Variants in SLC39A14 observed in about 807,000 individuals in gnomAD.
The protein encoded by SLC39A14 is metal cation symporter ZIP14.
In SLC39A14, 19 loss-of-function variants were observed where a neutral mutation model predicts 45.5. The observed-to-expected ratio is 0.42, with a 90% CI of 0.29 to 0.61. SLC39A14 has a LOEUF of 0.61. SLC39A14 is among the 20% of genes least tolerant of loss of function. The probability of loss-of-function intolerance (pLI) is 0.22; values close to 1 mark genes in which losing one functional copy is unlikely to be tolerated. For missense variants in SLC39A14, 447 were observed against 616.5 expected, an observed-to-expected ratio of 0.73 and a Z score of 2.91; for synonymous variants, 264 against 251.3, an observed-to-expected ratio of 1.05 and a Z score of -0.48.
chr8:22,375,687 G>T (rs1563479534), intron 1 of SLC39A14, among the ~76,000 whole-genome samples: 1 of 151,810 alleles, frequency 6.6e-6, no homozygotes, highest in Admixed American at 6.6e-5. Flanking sequence ...GTGGGGTTTC[G>T]CCATGTTGGC....
chr8:22,417,616 C>T (rs755912342), intron 7 of SLC39A14, 35 bp from the exon 8 acceptor site: 24 of 1,586,884 alleles, frequency 1.5e-5, no homozygotes, highest in Non-Finnish European at 1.9e-5. Flanking sequence ...ACTCTTCCTT[C>T]CTCGTCCCTC....
At chr8:22,410,149 C>G in intron 3 of SLC39A14, 1 of 1,612,066 alleles carries the variant, frequency 6.2e-7, no homozygotes, top group Non-Finnish European at 8.5e-7. Context: ...CGTCCTCTTT[C>G]CCTGGGGCGG....
chr8:22,382,372 G>A (rs913688289), intron 1 of SLC39A14, among the ~76,000 whole-genome samples: 2 of 152,140 alleles, frequency 1.3e-5, no homozygotes, highest in Non-Finnish European at 2.9e-5. Context: ...GTGGGAGTAT[G>A]GAACTAGTTA....
rs763628195 is a variant in SLC39A14 at position 22,414,762 on chromosome 8, C to T, written c.628-18C>T. ...CTTTATTTTCTTTAAAACTCATTTT[C>T]TTTTCCTGGGTCCACAGGCATTTGG... is the stretch of plus-strand genomic sequence containing the variant. On this transcript the variant is annotated intron_variant, in intron 4 of 8. Transcript: ENST00000381237. 20 of 1,583,166 alleles carry T rather than the reference C, an allele frequency of 1.3e-5. No homozygotes were observed. The highest frequency in any genetic ancestry group is 1.5e-5 in the Non-Finnish European group (18 of 1,172,356).
rs1836106606 is a variant in SLC39A14, at chr8:22,419,596, C to T, written c.1377C>T (p.Gly459=). 1 of 1,614,166 alleles carries T rather than the reference C, an allele frequency of 6.2e-7. No homozygotes were observed. The highest frequency in any genetic ancestry group is 8.5e-7 in the Non-Finnish European group (1 of 1,180,018). ...NEVCQEDERK[G]SILIPFIIQN... ...TCTGTCAAGAGGATGAAAGGAAGGG[C>T]AGCATCTTGATTCCATTTATCATCC... Residue 459 remains glycine (G), a synonymous_variant, in exon 9 of 9, where the codon GGC becomes GGT. Coordinates refer to ENST00000381237, the MANE Select transcript of SLC39A14 (RefSeq NM_001128431.4).
At chr8:22,374,366 C>T (rs1431344531) in intron 1 of SLC39A14, among the ~76,000 whole-genome samples, 1 of 152,014 alleles carries the variant, frequency 6.6e-6, no homozygotes, top group Non-Finnish European at 1.5e-5. Flanking sequence ...AAGTCAGATG[C>T]AGGATGGCCT....
At chr8:22,380,834 G>A (rs1369199653) in intron 1 of SLC39A14, among the ~76,000 whole-genome samples, 1 of 151,940 alleles carries the variant, frequency 6.6e-6, no homozygotes, top group Non-Finnish European at 1.5e-5. Flanking sequence ...GTACCACCAT[G>A]CCAAGCTAAT....
Position 22,421,972 on chromosome 8 carries a change from T to G in SLC39A14, c.*2274T>G, listed in dbSNP as rs897169164. The G allele has an allele frequency of 1.0e-6, 1 of 985,470 alleles. No individual in the cohort carries two copies. The highest frequency in any genetic ancestry group is 1.2e-6 in the Non-Finnish European group (1 of 829,938). 61.0% of individuals were successfully genotyped at this position (985,470 alleles called of 1,614,324 possible). ...TAGTTGGCGCAGAGGTCAGTCCTAGTCGGAGCTTAGGAGGGGCGGAGACGC... is the reference window on the plus strand; with the variant it reads ...TAGTTGGCGCAGAGGTCAGTCCTAGGCGGAGCTTAGGAGGGGCGGAGACGC... On this transcript the variant is annotated 3_prime_UTR_variant, in exon 9 of 9. Coordinates refer to ENST00000381237, the MANE Select transcript of SLC39A14 (RefSeq NM_001128431.4).
intron 1 of SLC39A14, among the ~76,000 whole-genome samples, chr8:22,397,455 G>A (rs1050256856): frequency 1.4e-4 from 22 of 152,286 alleles, no homozygotes; most frequent in African/African-American, 4.8e-4. Flanking sequence ...GTGGGCGCCT[G>A]TAGTCCCAGC....
chr8:22,368,081 G>A (rs1832733476), intron 1 of SLC39A14, among the ~76,000 whole-genome samples: 1 of 152,136 alleles, frequency 6.6e-6, no homozygotes, highest in South Asian at 2.1e-4. Context: ...TGGACTAGGG[G>A]TTCACTTTTG....
intron 1 of SLC39A14, among the ~76,000 whole-genome samples, chr8:22,368,618 C>G (rs1249878379): frequency 6.6e-6 from 1 of 152,076 alleles, no homozygotes; most frequent in Admixed American, 6.6e-5. Context: ...CTCACTGCAA[C>G]CTCCGCCTCC....
chr8:22,371,371 A>G (rs1235604746), intron 1 of SLC39A14, among the ~76,000 whole-genome samples: 2 of 151,978 alleles, frequency 1.3e-5, no homozygotes, highest in Non-Finnish European at 1.5e-5. Context: ...AGTTAATAAA[A>G]AAAATCAGAT....
chr8:22,393,999 T>C (rs1834227381), intron 1 of SLC39A14, among the ~76,000 whole-genome samples: 1 of 145,058 alleles, frequency 6.9e-6, no homozygotes, highest in African/African-American at 2.6e-5. Context: ...TTATTTCTTA[T>C]CTGAAGGGGT....
Position 22,431,042 on chromosome 8 carries a change from C to T in SLC39A14, c.1333-2849C>T, listed in dbSNP as rs190583634. Among the ~76,000 whole-genome samples the T allele has an allele frequency of 6.0e-3, 902 of 149,380 alleles. 7 individuals carry two copies. The highest frequency in any genetic ancestry group is 0.021 in the African/African-American group (846 of 40,306). On this transcript the variant is annotated intron_variant, in intron 8 of 8. Coordinates refer to the SLC39A14 transcript ENST00000240095. Reference sequence around the variant, plus strand: ...TCCCTCTGTTGCCCAGGCTGGAGTGCAGTGGCGTGATCTCAGCTCATTGCA... The same window carrying T: ...TCCCTCTGTTGCCCAGGCTGGAGTGTAGTGGCGTGATCTCAGCTCATTGCA...
At chr8:22,409,370 C>G (rs115589607) in intron 3 of SLC39A14, among the ~76,000 whole-genome samples, 1 of 143,170 alleles carries the variant, frequency 7.0e-6, no homozygotes, top group Non-Finnish European at 1.6e-5. Flanking sequence ...ACTTGTATGG[C>G]TTTTTTTGTT....
intron 1 of SLC39A14, among the ~76,000 whole-genome samples, chr8:22,397,853 G>A (rs73670414): frequency 0.13 from 19,346 of 152,200 alleles, 1,262 homozygotes; most frequent in East Asian, 0.19. Context: ...TCTGCTTGAA[G>A]GGCTGATGCA....
chr8:22,373,994 G>A (rs949064209), intron 1 of SLC39A14, among the ~76,000 whole-genome samples: 1 of 152,214 alleles, frequency 6.6e-6, no homozygotes, highest in African/African-American at 2.4e-5. Context: ...TCGAGCTCAA[G>A]TGATCCACCG....
chr8:22,412,066 G>A lies in SLC39A14; in HGVS notation c.487G>A (p.Val163Ile), dbSNP rs757263542. The change falls in exon 4 of 9, where the codon GTC becomes ATC. Residue 163 changes from valine (V) to isoleucine (I), a missense_variant. This residue lies in a region of SLC39A14 where 342 missense variants were observed against 428.1 expected (regional missense o/e 0.80). Transcript: ENST00000381237. ...VWGYGLLCVT[V>I]ISLCSLLGAS... ...GGGATACGGTCTCCTCTGTGTGACCGTCATCTCCCTCTGCTCCCTCCTGGG... is the reference window on the plus strand; with the variant it reads ...GGGATACGGTCTCCTCTGTGTGACCATCATCTCCCTCTGCTCCCTCCTGGG... The A allele has an allele frequency of 1.9e-5, 29 of 1,551,336 alleles. No individual in the cohort carries two copies. In the African/African-American group the frequency reaches 2.3e-4, roughly 12 times the overall value.
In SLC39A14 at chr8:22,412,046, A is replaced by T; in HGVS notation, c.467A>T (p.Tyr156Phe). ...TCCCTCCGCACGGCAGTGTGGGGAT[A>T]CGGTCTCCTCTGTGTGACCGTCATC... ...GRPSAVEVWG[Y>F]GLLCVTVISL... Residue 156 changes from tyrosine (Y) to phenylalanine (F), a missense_variant, in exon 4 of 9, where the codon TAC becomes TTC. Transcript: ENST00000381237. The T allele has an allele frequency of 6.4e-7, 1 of 1,550,980 alleles. No homozygotes were observed. The highest frequency in any genetic ancestry group is 8.7e-7 in the Non-Finnish European group (1 of 1,146,928).
Sources: allele counts gnomAD v4.1 joint callset (sites outside exome capture counted in the v4.1 genomes callset), GRCh38; gene constraint gnomAD v4.1.1; regional missense constraint gnomAD v4.1.1; transcripts MANE v1.5; gene names NCBI Gene and HGNC (gene_info 2026-07-23, HGNC 2026-07-21).